FCRL4: variants seen among roughly 807,000 people sequenced by gnomAD.
FCRL4 encodes Fc receptor-like protein 4.
Under a neutral mutation model 64.1 loss-of-function variants are expected in FCRL4, and 43 were observed. The observed-to-expected ratio is 0.67, with a 90% CI of 0.53 to 0.87. The LOEUF (loss-of-function observed/expected upper bound fraction) is 0.87. FCRL4 is among the 40% of genes least tolerant of loss of function. The pLI is 0.00. For synonymous variants in FCRL4, 253 were observed against 239.8 expected (o/e 1.05, Z -0.51); for missense variants, 656 against 613.5 (o/e 1.07, Z -0.73).
intron 6 of FCRL4, 44 bp from the exon 7 acceptor site, chr1:157,581,688 G>A (rs1247745134): frequency 6.7e-7 from 1 of 1,500,778 alleles, no homozygotes; most frequent in Non-Finnish European, 9.2e-7. Context: ...AGAGGTTCAG[G>A]GTTTGGGATT....
intron 2 of FCRL4, among the ~76,000 whole-genome samples, chr1:157,591,033 C>T (rs973501150): frequency 1.3e-5 from 2 of 152,072 alleles, no homozygotes; most frequent in Non-Finnish European, 2.9e-5. Context: ...ACTTACACAG[C>T]CATTTTTAGA....
chr1:157,591,500 A>G (rs1210475505), intron 2 of FCRL4, among the ~76,000 whole-genome samples: 1 of 152,148 alleles, frequency 6.6e-6, no homozygotes, highest in African/African-American at 2.4e-5. Flanking sequence ...ACAGTTATGG[A>G]AAGGGATTTA....
chr1:157,587,790 T>C, intron 4 of FCRL4, 75 bp downstream of exon 4: 1 of 1,428,836 alleles, frequency 7.0e-7, no homozygotes. Context: ...TAGTAACCCG[T>C]AAATTCTTTC....
At chr1:157,587,251 A>T in intron 5 of FCRL4, 25 bp downstream of exon 5, 1 of 1,607,118 alleles carries the variant, frequency 6.2e-7, no homozygotes, top group African/African-American at 1.3e-5. Context: ...GAGGCAGGGA[A>T]GATGCCTGGC....
chr1:157,590,950 G>C (rs1370128441), intron 2 of FCRL4, among the ~76,000 whole-genome samples: 1 of 152,134 alleles, frequency 6.6e-6, no homozygotes, highest in Non-Finnish European at 1.5e-5. Flanking sequence ...AGGAGAAATG[G>C]CCTACAAATT....
chr1:157,586,480 G>A, intron 5 of FCRL4, 25 bp from the exon 6 acceptor site: 1 of 1,584,154 alleles, frequency 6.3e-7, no homozygotes, highest in South Asian at 1.1e-5. Context: ...GACCACAGGT[G>A]GGGGTCGGGT....
At position 157,581,806 on chromosome 1, in the gene FCRL4, A is replaced by G. The variant is rs144571121; in HGVS notation, c.1136-162T>C. On this transcript the variant is annotated intron_variant, in intron 6 of 11. Coordinates refer to ENST00000271532, the MANE Select transcript of FCRL4 (RefSeq NM_031282.3). ...CCAGGTTTTGGCCAGAAAAGCTCAC[A>G]TTGGGTGGGCCAGGGCCTGAGTGCA... Among the ~76,000 whole-genome samples the G allele has an allele frequency of 5.2e-3, 788 of 152,288 alleles. 4 individuals are homozygous for G. Among genetic ancestry groups the G allele is most frequent in the African/African-American group, 0.018 (737 of 41,560 alleles).
chr1:157,586,493 G>A (rs1185731544), intron 5 of FCRL4, 38 bp from the exon 6 acceptor site: 7 of 1,569,670 alleles, frequency 4.5e-6, no homozygotes, highest in Non-Finnish European at 6.0e-6. Context: ...GGTCGGGTGT[G>A]AAGGAGGGCA....
rs1652721752 is a variant in FCRL4 at position 157,587,280 on chromosome 1, C to A, written c.843G>T (p.Val281=). The stretch of plus-strand genomic sequence containing the variant: ...GCCTGGCTCTCCAACACTCACGCTG[C>A]ACATGGATCTGTAGCGAGGGACTGT... ...HKHSPSLQIH[V]QRIPVSGVLL... is the part of the protein sequence containing the mutation. Residue 281 remains valine (V), a synonymous_variant, in exon 5 of 12, where the codon GTG becomes GTT. Transcript: ENST00000271532. 1 of 1,613,318 alleles carries A rather than the reference C, an allele frequency of 6.2e-7. No individual in the cohort carries two copies. Among genetic ancestry groups the A allele is most frequent in the East Asian group, 2.2e-5 (1 of 44,886 alleles).
intron 7 of FCRL4, 37 bp downstream of exon 7, chr1:157,581,482 TCAGGGGAAGGAA>T: frequency 6.6e-7 from 1 of 1,524,626 alleles, no homozygotes; most frequent in Non-Finnish European, 9.1e-7. Flanking sequence ...CATGCTGAGT[TCAGGGGAAGGAA>T]CAGGGCAGGA....
At chr1:157,586,477 G>A (rs1307772229) in intron 5 of FCRL4, 22 bp from the exon 6 acceptor site, 1 of 1,585,722 alleles carries the variant, frequency 6.3e-7, no homozygotes, top group Non-Finnish European at 8.6e-7. Flanking sequence ...TGAGACCACA[G>A]GTGGGGGTCG....
rs1356171940 is a variant in FCRL4 at position 157,587,476 on chromosome 1, A to T, written c.647T>A (p.Leu216His). 6.2e-7 allele frequency: 1 copy of T among 1,614,216 alleles called. No individual in the cohort carries two copies. The highest frequency in any genetic ancestry group is 1.7e-5 in the Admixed American group (1 of 60,028). ...NSVNLSCETQLPPERSDTPLH... is the reference protein window; with the variant it reads ...NSVNLSCETQHPPERSDTPLH... ...TGGGGTGTCTGACCGCTCTGGAGGA[A>T]GCTGTGTTTCACAGCTCAGGTTTAC... Residue 216 changes from leucine (L) to histidine (H), a missense_variant, in exon 5 of 12, where the codon CTT becomes CAT. Coordinates refer to ENST00000271532, the MANE Select transcript of FCRL4 (RefSeq NM_031282.3).
At chr1:157,596,530 T>C (rs530322129) in intron 1 of FCRL4, among the ~76,000 whole-genome samples, 182 bp from the exon 2 acceptor site, 4 of 152,264 alleles carry the variant, frequency 2.6e-5, no homozygotes, top group African/African-American at 9.6e-5. Flanking sequence ...ACTCAGACAG[T>C]CTGGTTTGAA....
At position 157,589,187 on chromosome 1, in the gene FCRL4, T is replaced by G. The variant is rs1652775809; in HGVS notation, c.307+17A>C. Reference sequence around the variant, plus strand: ...ATACCATTTATAAAGTTTCAACTAATTCACCTTCTTTCTCACCTGAAGAAA... The same window carrying G: ...ATACCATTTATAAAGTTTCAACTAAGTCACCTTCTTTCTCACCTGAAGAAA... On this transcript the variant is annotated intron_variant, in intron 3 of 11. Transcript: ENST00000271532. 2 of 1,608,478 alleles carry G rather than the reference T, an allele frequency of 1.2e-6. No homozygotes were observed. Among genetic ancestry groups the G allele is most frequent in the Middle Eastern group, 1.7e-4 (1 of 6,030 alleles).
intron 8 of FCRL4, among the ~76,000 whole-genome samples, chr1:157,579,507 A>G (rs1424480408): frequency 6.6e-6 from 1 of 152,188 alleles, no homozygotes; most frequent in Non-Finnish European, 1.5e-5. Context: ...ACTTGAAGCC[A>G]GGAGTTTGAG....
chr1:157,594,862 T>C (rs1459596624), intron 2 of FCRL4, among the ~76,000 whole-genome samples: 1 of 152,228 alleles, frequency 6.6e-6, no homozygotes, highest in African/African-American at 2.4e-5. Flanking sequence ...CTAAATGTTC[T>C]GTTTGGTAAG....
chr1:157,583,890 G>T (rs11591055), intron 6 of FCRL4, among the ~76,000 whole-genome samples: 57,028 of 152,054 alleles, frequency 0.38, 11,930 homozygotes, highest in East Asian at 0.73. Flanking sequence ...CCCTATTCCA[G>T]CAAACATCAC....
rs913066160 is a variant in FCRL4 at position 157,585,351 on chromosome 1, T to C, written c.1135+817A>G. Among the ~76,000 whole-genome samples, 330 of 44,634 alleles carry C rather than the reference T, an allele frequency of 7.4e-3. 2 individuals carry two copies. Among genetic ancestry groups the C allele is most frequent in the African/African-American group, 0.025 (293 of 11,586 alleles). 29.3% of individuals were successfully genotyped at this position (44,634 alleles called of 152,430 possible). Reference sequence around the variant, plus strand: ...CTCTCTTTCTTTCTCTCTCTCTTTCTTTCTTTCTTTCTTTCTTTCTTTCTT... The same window carrying C: ...CTCTCTTTCTTTCTCTCTCTCTTTCCTTCTTTCTTTCTTTCTTTCTTTCTT... On this transcript the variant is annotated intron_variant, in intron 6 of 11. Transcript: ENST00000271532.
intron 7 of FCRL4, 91 bp from the exon 8 acceptor site, chr1:157,580,439 C>T: frequency 1.5e-6 from 2 of 1,352,052 alleles, no homozygotes; most frequent in South Asian, 2.4e-5. Context: ...GAGAGGTAAT[C>T]AAGACAGTCA....
Sources: gnomAD v4.1 joint callset for allele counts (sites outside exome capture counted in the v4.1 genomes callset) on GRCh38, gnomAD v4.1.1 for gene constraint, MANE v1.5 for transcripts, NCBI Gene and HGNC (gene_info 2026-07-23, HGNC 2026-07-21) for gene names.